The following KCNN2 variants were observed in gnomAD, a reference collection of about 807,000 sequenced individuals.
KCNN2 encodes small conductance calcium-activated potassium channel protein 2.
A neutral mutation model predicts 55.5 loss-of-function variants in KCNN2; 24 were observed. That is an observed-to-expected ratio of 0.43 (90% CI 0.31 to 0.61). KCNN2 has a LOEUF of 0.61. Among genes scored for constraint, KCNN2 ranks in the 20% least tolerant of loss-of-function variants. KCNN2 has a pLI of 0.08. For missense variants in KCNN2, 754 were observed against 853.6 expected, an observed-to-expected ratio of 0.88 and a Z score of 1.45; for synonymous variants, 431 against 336.1, an observed-to-expected ratio of 1.28 and a Z score of -3.09.
chr5:114,466,322 T>C (rs1429133911), intron 4 of KCNN2, among the ~76,000 whole-genome samples: 1 of 152,160 alleles, frequency 6.6e-6, no homozygotes, highest in Non-Finnish European at 1.5e-5. Context: ...AGTAGCTTTG[T>C]ACTTTTGGTT....
At chr5:114,169,953 A>G (rs145393939) in intron 1 of KCNN2, among the ~76,000 whole-genome samples, 79 of 152,206 alleles carry the variant, frequency 5.2e-4, no homozygotes, top group Non-Finnish European at 7.9e-4. Flanking sequence ...ACCTTAGTGA[A>G]TTACTTGAAT....
chr5:114,314,232 T>C (rs1005198075), intron 2 of KCNN2, among the ~76,000 whole-genome samples: 1 of 152,158 alleles, frequency 6.6e-6, no homozygotes, highest in Non-Finnish European at 1.5e-5. Flanking sequence ...ACAGAGTTCC[T>C]ATATATCACT....
chr5:114,347,428 CA>C (rs2150038879), intron 2 of KCNN2, among the ~76,000 whole-genome samples: 1 of 152,242 alleles, frequency 6.6e-6, no homozygotes, highest in Non-Finnish European at 1.5e-5. Context: ...GGGTAAAGCC[CA>C]CTTACTAGGC....
intron 5 of KCNN2, among the ~76,000 whole-genome samples, chr5:114,477,986 C>T (rs1185448613): frequency 2.6e-5 from 4 of 152,184 alleles, no homozygotes; most frequent in African/African-American, 7.2e-5. Flanking sequence ...TTGTCCTTGG[C>T]TCACAGCCCA....
At chr5:114,250,460 C>G (rs956898889) in intron 2 of KCNN2, among the ~76,000 whole-genome samples, 1 of 152,146 alleles carries the variant, frequency 6.6e-6, no homozygotes, top group African/African-American at 2.4e-5. Flanking sequence ...CAAAGGTTCT[C>G]TGAGACCAGA....
intron 1 of KCNN2, among the ~76,000 whole-genome samples, chr5:114,165,231 C>G (rs1205489467): frequency 6.6e-6 from 1 of 152,060 alleles, no homozygotes; most frequent in African/African-American, 2.4e-5. Flanking sequence ...CTTTCACTTC[C>G]TCCACCTCCT....
intron 1 of KCNN2, among the ~76,000 whole-genome samples, chr5:114,196,746 T>C (rs151076249): frequency 2.6e-5 from 4 of 152,236 alleles, no homozygotes; most frequent in East Asian, 3.9e-4. Flanking sequence ...CTTTATCATT[T>C]CATCAAAATA....
intron 1 of KCNN2, among the ~76,000 whole-genome samples, chr5:114,134,911 T>C (rs770836930): frequency 3.3e-5 from 5 of 152,222 alleles, no homozygotes; most frequent in Non-Finnish European, 7.3e-5. Flanking sequence ...AGGAAAAGCA[T>C]GGAATTTAAA....
In KCNN2 at chr5:114,380,161, A is replaced by T. The variant is rs192499922; in HGVS notation, c.1218+16160A>T. 2.0e-5 allele frequency among the ~76,000 whole-genome samples: 3 copies of T among 152,228 alleles called. No individual in the cohort carries two copies. In the East Asian group the frequency reaches 5.8e-4, roughly 29 times the overall value. ...ACACAATACAGTAAAAGTGTCAATAAACAACATGCAGCCTGGACTCATCCC... is the reference window on the plus strand; with the variant it reads ...ACACAATACAGTAAAAGTGTCAATATACAACATGCAGCCTGGACTCATCCC... On this transcript the variant is annotated intron_variant, in intron 2 of 7. Transcript: ENST00000673685.
At chr5:114,214,305 A>G (rs766580500) in intron 1 of KCNN2, among the ~76,000 whole-genome samples, 5 of 152,064 alleles carry the variant, frequency 3.3e-5, no homozygotes, top group Middle Eastern at 3.4e-3. Flanking sequence ...AACTTTGTTT[A>G]CACAAGTAGA....
chr5:114,352,503 A>T (rs1449718966), intron 2 of KCNN2, among the ~76,000 whole-genome samples: 1 of 151,698 alleles, frequency 6.6e-6, no homozygotes, highest in African/African-American at 2.4e-5. Context: ...TTTTTCTTAA[A>T]GTAATATGTT....
intron 1 of KCNN2, among the ~76,000 whole-genome samples, chr5:114,133,473 G>A (rs1752110695): frequency 6.6e-6 from 1 of 152,100 alleles, no homozygotes; most frequent in Non-Finnish European, 1.5e-5. Flanking sequence ...AAAAAGTCAG[G>A]GAGCTCAACT....
At chr5:114,228,766 C>T (rs1473754892) in intron 2 of KCNN2, among the ~76,000 whole-genome samples, 1 of 152,014 alleles carries the variant, frequency 6.6e-6, no homozygotes, top group African/African-American at 2.4e-5. Flanking sequence ...TTGTCAATCA[C>T]ATACATGATT....
chr5:114,323,200 G>A (rs894556954), intron 2 of KCNN2, among the ~76,000 whole-genome samples: 1 of 152,202 alleles, frequency 6.6e-6, no homozygotes, highest in Non-Finnish European at 1.5e-5. Flanking sequence ...AAACAGTAAA[G>A]CTCCTCAGTA....
At chr5:114,278,022 T>G (rs1755528712) in intron 2 of KCNN2, among the ~76,000 whole-genome samples, 2 of 152,210 alleles carry the variant, frequency 1.3e-5, no homozygotes, top group Non-Finnish European at 2.9e-5. Context: ...GATGGGCTTT[T>G]GGTGTGGATG....
chr5:114,241,784 G>A lies in KCNN2; in HGVS notation c.-185+20219G>A, dbSNP rs7717435. Among the ~76,000 whole-genome samples the A allele has an allele frequency of 2.7e-3, 9 of 3,278 alleles. 4 individuals carry two copies. The highest frequency in any genetic ancestry group is 2.7e-3 in the Non-Finnish European group (5 of 1,842). The allele number at this position is 3,278 out of a possible 152,430, so 2.2% of individuals were successfully genotyped here. On this transcript the variant is annotated intron_variant, in intron 2 of 10. Coordinates refer to the KCNN2 transcript ENST00000512097. ...TATACGTATATATATACATATATACGTATATATATGTATATATATACGTAT... is the reference window on the plus strand; with the variant it reads ...TATACGTATATATATACATATATACATATATATATGTATATATATACGTAT...
intron 2 of KCNN2, among the ~76,000 whole-genome samples, chr5:114,402,234 A>G (rs1483920076): frequency 2.6e-5 from 4 of 152,206 alleles, no homozygotes; most frequent in Admixed American, 2.6e-4. Flanking sequence ...AGGACAAATG[A>G]GATAAAAATT....
chr5:114,456,205 G>T (rs917612218), intron 3 of KCNN2, among the ~76,000 whole-genome samples: 3 of 152,178 alleles, frequency 2.0e-5, no homozygotes, highest in Non-Finnish European at 4.4e-5. Context: ...TACTAATGCT[G>T]CTGGTGACTC....
intron 2 of KCNN2, among the ~76,000 whole-genome samples, chr5:114,234,204 T>C (rs1416536931): frequency 3.3e-5 from 5 of 152,196 alleles, no homozygotes; most frequent in Non-Finnish European, 7.4e-5. Flanking sequence ...TTTTCAGACA[T>C]ATCATTTATC....
Sources: allele counts gnomAD v4.1 joint callset (sites outside exome capture counted in the v4.1 genomes callset), GRCh38; gene constraint gnomAD v4.1.1; transcripts MANE v1.5; gene names NCBI Gene and HGNC (gene_info 2026-07-23, HGNC 2026-07-21).